Variants in PPP4R3B observed in about 807,000 individuals in gnomAD.
PPP4R3B encodes the protein protein phosphatase 4 regulatory subunit 3B, also known as serine/threonine-protein phosphatase 4 regulatory subunit 3B.
PPP4R3B carries 52 observed loss-of-function variants against 95.4 expected under a neutral mutation model. The ratio of observed to expected loss-of-function variants is 0.54; its 90% CI spans 0.44 to 0.69. The LOEUF (loss-of-function observed/expected upper bound fraction) is 0.69, where lower values mean the gene tolerates loss of function less well. PPP4R3B is among the 30% of genes least tolerant of loss of function. PPP4R3B has a pLI of 0.00. For synonymous variants in PPP4R3B, 407 were observed against 343.9 expected, an observed-to-expected ratio of 1.18 and a Z score of -2.03; for missense variants, 1,003 against 1,005.9, an observed-to-expected ratio of 1.00 and a Z score of 0.04.
chr2:55,616,414 G>A (rs574265331), intron 1 of PPP4R3B: 4 of 152,188 alleles, frequency 2.6e-5, no homozygotes, highest in Non-Finnish European at 5.9e-5. Context: ...TTCAAATCAA[G>A]TCCAGATTAT....
intron 12 of PPP4R3B, among the ~76,000 whole-genome samples, chr2:55,569,999 TGAAAA>T (rs370157282): frequency 4.6e-5 from 7 of 152,208 alleles, no homozygotes; most frequent in Non-Finnish European, 8.8e-5. Context: ...CTCCTTGCCT[TGAAAA>T]AAACATTTGT....
chr2:55,616,796 TAAGTA>T (rs1471936422), intron 1 of PPP4R3B, among the ~76,000 whole-genome samples: 12 of 151,828 alleles, frequency 7.9e-5, no homozygotes, highest in African/African-American at 2.4e-4. Context: ...GTATAATGGA[TAAGTA>T]AATAAAGGGG....
chr2:55,585,199 C>T (rs1689984241), intron 6 of PPP4R3B, 32 bp from the exon 7 acceptor site: 3 of 1,468,986 alleles, frequency 2.0e-6, no homozygotes, highest in Non-Finnish European at 2.8e-6. Flanking sequence ...TACTTAGAGA[C>T]TGTTAACAAA....
chr2:55,598,980 T>C lies in PPP4R3B; in HGVS notation c.357A>G (p.Glu119=). The C allele has an allele frequency of 6.2e-7, 1 of 1,614,126 alleles. No homozygotes were observed. Among genetic ancestry groups the C allele is most frequent in the Non-Finnish European group, 8.5e-7 (1 of 1,180,030 alleles). The change falls in exon 4 of 17, where the codon GAA becomes GAG. Residue 119 remains glutamate, a synonymous_variant. Coordinates refer to ENST00000616407, the MANE Select transcript of PPP4R3B (RefSeq NM_001122964.3). ...VTQDLIDESE[E]ERFEEMPETS... The stretch of plus-strand genomic sequence containing the variant: ...TTTCAGGCATTTCTTCAAATCGTTC[T>C]TCTTCAGATTCATCAATGAGGTCCT...
intron 12 of PPP4R3B, among the ~76,000 whole-genome samples, chr2:55,570,300 C>G (rs1255871927): frequency 6.6e-6 from 1 of 152,170 alleles, no homozygotes; most frequent in Non-Finnish European, 1.5e-5. Flanking sequence ...ATAATTACAT[C>G]ATTCTCTTAT....
chr2:55,599,575 T>C (rs1692269112), intron 3 of PPP4R3B, among the ~76,000 whole-genome samples: 1 of 152,242 alleles, frequency 6.6e-6, no homozygotes, highest in South Asian at 2.1e-4. Flanking sequence ...AAATCAACTT[T>C]TGTTGTGACA....
At chr2:55,568,940 C>T (rs1276096084) in intron 12 of PPP4R3B, among the ~76,000 whole-genome samples, 1 of 151,930 alleles carries the variant, frequency 6.6e-6, no homozygotes, top group Non-Finnish European at 1.5e-5. Flanking sequence ...GGTGCCGAGG[C>T]AAGAGACTGA....
rs200932028 is a variant in PPP4R3B, at chr2:55,598,567, G to A, written c.770C>T (p.Ser257Phe). ...CTGATGTATTTTTTGCCTTAGTTCA[G>A]AGTCTGTTATTGGTATAACTTCCTT... ...KFKEVIPITD[S>F]ELRQKIHQTY... The change falls in exon 4 of 17, where the codon TCT (serine) becomes TTT (phenylalanine). Residue 257 changes from serine to phenylalanine, a missense_variant. Transcript: ENST00000616407. 6 of 1,614,184 alleles carry A rather than the reference G, an allele frequency of 3.7e-6. No individual in the cohort carries two copies. The African/African-American group carries it at 8.0e-5, about 22-fold the overall frequency.
chr2:55,584,438 AC>A (rs1689855235), intron 7 of PPP4R3B, among the ~76,000 whole-genome samples: 1 of 152,020 alleles, frequency 6.6e-6, no homozygotes, highest in African/African-American at 2.4e-5. Context: ...ATTTTGGGGC[AC>A]CCATCACCCA....
intron 7 of PPP4R3B, among the ~76,000 whole-genome samples, chr2:55,584,068 G>A (rs950178451): frequency 5.9e-5 from 9 of 152,020 alleles, no homozygotes; most frequent in African/African-American, 2.2e-4. Flanking sequence ...AGCCAGGCGT[G>A]GTGGCGCACA....
Position 55,549,903 on chromosome 2 carries a change from T to C in PPP4R3B, c.*8A>G. 6.2e-7 allele frequency: 1 copy of C among 1,605,714 alleles called. No homozygotes were observed. The highest frequency in any genetic ancestry group is 8.5e-7 in the Non-Finnish European group (1 of 1,172,546). Reference sequence around the variant, plus strand: ...AGACCACATGTTGAGGGTCCCCTAATAAATATTTTATGAGCCAAGACGAGG... The same window carrying C: ...AGACCACATGTTGAGGGTCCCCTAACAAATATTTTATGAGCCAAGACGAGG... On this transcript the variant is annotated 3_prime_UTR_variant, in exon 17 of 17. Transcript: ENST00000616407.
At chr2:55,597,651 A>AAACAAAG (rs1691986579) in intron 4 of PPP4R3B, among the ~76,000 whole-genome samples, 1 of 30,218 alleles carries the variant, frequency 3.3e-5, no homozygotes, top group Non-Finnish European at 8.8e-5. Context: ...AACAAACAAA[A>AAACAAAG]CTAGCTCGGC....
intron 11 of PPP4R3B, among the ~76,000 whole-genome samples, chr2:55,575,283 G>A (rs1688532977): frequency 6.7e-6 from 1 of 150,030 alleles, no homozygotes; most frequent in Non-Finnish European, 1.5e-5. Flanking sequence ...TCCATAGAGA[G>A]GGACCTACTG....
At chr2:55,558,406 G>A (rs1394639535) in intron 16 of PPP4R3B, among the ~76,000 whole-genome samples, 3 of 152,014 alleles carry the variant, frequency 2.0e-5, no homozygotes, top group Admixed American at 6.6e-5. Flanking sequence ...TCAAGAGATC[G>A]AGACCATCCT....
At chr2:55,574,922 T>C (rs1367112285) in intron 11 of PPP4R3B, among the ~76,000 whole-genome samples, 3 of 147,772 alleles carry the variant, frequency 2.0e-5, no homozygotes, top group South Asian at 4.3e-4. Context: ...TAATATAATT[T>C]CATATACAAC....
At chr2:55,589,034 A>AT (rs1690586465) in intron 4 of PPP4R3B, 78 bp from the exon 5 acceptor site, 4 of 880,060 alleles carry the variant, frequency 4.5e-6, no homozygotes, top group Non-Finnish European at 7.0e-6. Context: ...TACACAAATT[A>AT]TAAAAAATAG....
intron 4 of PPP4R3B, 42 bp downstream of exon 4, chr2:55,598,374 A>G: frequency 1.9e-6 from 3 of 1,584,296 alleles, no homozygotes; most frequent in Non-Finnish European, 2.6e-6. Flanking sequence ...AGGGAACTAA[A>G]TATCTGAAAA....
At position 55,617,195 on chromosome 2, in the gene PPP4R3B, A is replaced by C. The variant is rs986908003; in HGVS notation, c.91T>G (p.Tyr31Asp). ...GACATCCCCTTGAGCTCCTCCACGT[A>C]AGTGGAGGAGACGTGCCCGGTGCCT... ...DRGTGHVSST[Y>D]VEELKGMSLL... The change falls in exon 1 of 17, where the codon TAC becomes GAC. Residue 31 changes from tyrosine to aspartate, a missense_variant. This residue lies in a region of PPP4R3B where 695 missense variants were observed against 686.2 expected (regional missense o/e 1.01). Coordinates refer to ENST00000616407, the MANE Select transcript of PPP4R3B (RefSeq NM_001122964.3). The C allele has an allele frequency of 6.2e-7, 1 of 1,613,864 alleles. No individual in the cohort carries two copies. The highest frequency in any genetic ancestry group is 1.1e-5 in the South Asian group (1 of 91,078).
At chr2:55,602,845 C>T (rs943785529) in intron 3 of PPP4R3B, among the ~76,000 whole-genome samples, 2 of 152,096 alleles carry the variant, frequency 1.3e-5, no homozygotes, top group Admixed American at 6.6e-5. Flanking sequence ...TTGCTGAATT[C>T]TGTGAGTCTT....
Sources: gnomAD v4.1 joint callset for allele counts (sites outside exome capture counted in the v4.1 genomes callset) on GRCh38, gnomAD v4.1.1 for gene constraint, gnomAD v4.1.1 regional missense constraint, MANE v1.5 for transcripts, NCBI Gene and HGNC (gene_info 2026-07-23, HGNC 2026-07-21) for gene names.